The following LHX4 variants were observed in gnomAD, a reference collection of about 807,000 sequenced individuals.
The protein encoded by LHX4 is LIM/homeobox protein Lhx4.
A neutral mutation model predicts 39.2 loss-of-function variants in LHX4; 16 were observed. The observed-to-expected ratio is 0.41, with a 90% CI of 0.28 to 0.62. The LOEUF is 0.62. Among genes scored for constraint, LHX4 ranks in the 20% least tolerant of loss-of-function variants. LHX4 has a pLI of 0.33. For missense variants in LHX4, 439 were observed against 511.9 expected (o/e 0.86, Z 1.37); for synonymous variants, 206 against 198.1 (o/e 1.04, Z -0.33).
At chr1:180,247,430 T>C (rs61080341) in intron 1 of LHX4, among the ~76,000 whole-genome samples, 28,368 of 152,164 alleles carry the variant, frequency 0.19, 2,792 homozygotes, top group African/African-American at 0.21. Flanking sequence ...ATTTCACTGC[T>C]TCTGCTGTGA....
In LHX4 at chr1:180,230,665, G is replaced by A. The variant is rs1664155607; in HGVS notation, c.76+60G>A. On this transcript the variant is annotated intron_variant, in intron 1 of 5. Coordinates refer to ENST00000263726, the MANE Select transcript of LHX4 (RefSeq NM_033343.4). This position sits in a 1 kb window ranked among gnomAD's most constrained non-coding sequence, Gnocchi z 5.8. ...AACAAGACAGCTAGCAGCCTCAGCC[G>A]CTGCGGGGCGGGCCGGACGCCGCTC... The A allele has an allele frequency of 3.3e-6, 5 of 1,515,728 alleles. No individual in the cohort carries two copies. In the East Asian group the frequency reaches 6.8e-5, roughly 21 times the overall value. 93.9% of individuals were successfully genotyped at this position (1,515,728 alleles called of 1,614,324 possible). A position where few individuals can be genotyped will look rare whatever the true frequency, so the allele number is the denominator to read the frequency against.
At chr1:180,252,829 T>C (rs1235435949) in intron 2 of LHX4, among the ~76,000 whole-genome samples, 1 of 152,094 alleles carries the variant, frequency 6.6e-6, no homozygotes, top group African/African-American at 2.4e-5. Context: ...GCGATGTTGG[T>C]GTGGACACAG....
chr1:180,259,885 G>C (rs1571276678), intron 2 of LHX4, among the ~76,000 whole-genome samples: 1 of 151,700 alleles, frequency 6.6e-6, no homozygotes, highest in African/African-American at 2.4e-5. Context: ...AATGGTGGGA[G>C]GGTTGGAAGT....
chr1:180,269,783 G>C (rs1281585405), intron 3 of LHX4: 1 of 152,168 alleles, frequency 6.6e-6, no homozygotes, highest in Non-Finnish European at 1.5e-5. Context: ...AGAAGGGACA[G>C]ACTCCTCAGA....
In LHX4 at chr1:180,278,179, T is replaced by TGGAA. The variant is rs1649153043; in HGVS notation, c.*3603_*3606dup. 1 of 152,218 alleles carries TGGAA rather than the reference T, an allele frequency of 6.6e-6. No homozygotes were observed. The highest frequency in any genetic ancestry group is 2.4e-5 in the African/African-American group (1 of 41,454). 9.4% of individuals were successfully genotyped at this position (152,218 alleles called of 1,614,324 possible). On this transcript the variant is annotated 3_prime_UTR_variant, in exon 6 of 6. Transcript: ENST00000263726. ...CCATACCTCCCCAGCCAGCAGGGTC[T>TGGAA]GGAAGGCCTGAGGAGGCTCATTTTT...
At chr1:180,269,537 C>A (rs919962789) in intron 3 of LHX4, 1 of 152,222 alleles carries the variant, frequency 6.6e-6, no homozygotes, top group Non-Finnish European at 1.5e-5. Context: ...AGCGGGCCAC[C>A]AACCAGGATG....
Position 180,271,817 on chromosome 1 carries a change from C to G in LHX4, c.607-18C>G. On this transcript the variant is annotated intron_variant, in intron 4 of 5. Transcript: ENST00000263726. ...TGGTGGACGCCCCCTGAGTATGTCC[C>G]TTGTGCTTGTGTGGCAGGTTTGGTT... 2 of 1,613,744 alleles carry G rather than the reference C, an allele frequency of 1.2e-6. No individual in the cohort carries two copies. Among genetic ancestry groups the G allele is most frequent in the Middle Eastern group, 3.3e-4 (2 of 6,056 alleles).
rs748063445 is a variant in LHX4, at chr1:180,266,606, G to A, written c.451+12G>A. On this transcript the variant is annotated intron_variant, in intron 3 of 5. Coordinates refer to ENST00000263726, the MANE Select transcript of LHX4 (RefSeq NM_033343.4). The surrounding 1 kb of genome is among the most constrained non-coding windows in gnomAD (Gnocchi z 5.7). ...AGCCAAGCAGAACGGTAAGCAGCAT[G>A]GCCCCGCATGGTCCCCTCTCCAGGC... 1.2e-6 allele frequency: 2 copies of A among 1,612,924 alleles called. No homozygotes were observed. The highest frequency in any genetic ancestry group is 1.7e-6 in the Non-Finnish European group (2 of 1,179,238).
At chr1:180,229,282 G>T (rs1218547936), upstream of LHX4, among the ~76,000 whole-genome samples, 1 of 152,228 alleles carries the variant, frequency 6.6e-6, no homozygotes, top group Admixed American at 6.5e-5. Context: ...CGGGCTCTAG[G>T]GACCTAAGAC....
Position 180,234,057 on chromosome 1 carries a change from T to G in LHX4, c.76+3452T>G, listed in dbSNP as rs975547755. Among the ~76,000 whole-genome samples, 3 of 149,444 alleles carry G rather than the reference T, an allele frequency of 2.0e-5. No individual in the cohort carries two copies. Among genetic ancestry groups the G allele is most frequent in the African/African-American group, 7.4e-5 (3 of 40,538 alleles). Reference sequence around the variant, plus strand: ...CAGGACATTTCTTAAGGGGGTGAGATGGATTCACTGTCCAAGACAGGAGTT... The same window carrying G: ...CAGGACATTTCTTAAGGGGGTGAGAGGGATTCACTGTCCAAGACAGGAGTT... On this transcript the variant is annotated intron_variant, in intron 1 of 5. Transcript: ENST00000263726. The surrounding 1 kb of genome is among the most constrained non-coding windows in gnomAD (Gnocchi z 4.8).
chr1:180,237,106 C>G lies in LHX4; in HGVS notation c.76+6501C>G, dbSNP rs565338927. Among the ~76,000 whole-genome samples the G allele has an allele frequency of 2.6e-5, 4 of 152,288 alleles. No homozygotes were observed. In the South Asian group the frequency reaches 8.3e-4, roughly 32 times the overall value. On this transcript the variant is annotated intron_variant, in intron 1 of 5. Transcript: ENST00000263726. Reference sequence around the variant, plus strand: ...TCTTTCTTCCTCCCTCCTTCTCCTTCCCCTGTTCCCCCAATTTCTTCTGTC... The same window carrying G: ...TCTTTCTTCCTCCCTCCTTCTCCTTGCCCTGTTCCCCCAATTTCTTCTGTC...
intron 5 of LHX4, chr1:180,272,918 A>G (rs1648770711): frequency 6.6e-6 from 1 of 152,240 alleles, no homozygotes; most frequent in Non-Finnish European, 1.5e-5. Context: ...GATCGTTCCC[A>G]CAGGGAGCGT....
rs1270298738 is a variant in LHX4 at position 180,234,889 on chromosome 1, C to T, written c.76+4284C>T. 6.6e-6 allele frequency among the ~76,000 whole-genome samples: 1 copy of T among 152,244 alleles called. No homozygotes were observed. Among genetic ancestry groups the T allele is most frequent in the Non-Finnish European group, 1.5e-5 (1 of 68,046 alleles). ...CCACATGACCTCGCTACGACCGGGGCAGGGCTCCTCCGCCCCGCGGGCAGA... is the reference window on the plus strand; with the variant it reads ...CCACATGACCTCGCTACGACCGGGGTAGGGCTCCTCCGCCCCGCGGGCAGA... On this transcript the variant is annotated intron_variant, in intron 1 of 5. Coordinates refer to ENST00000263726, the MANE Select transcript of LHX4 (RefSeq NM_033343.4). This position sits in a 1 kb window ranked among gnomAD's most constrained non-coding sequence, Gnocchi z 4.8.
intron 2 of LHX4, among the ~76,000 whole-genome samples, chr1:180,249,908 TGACA>T (rs1647545968): frequency 6.8e-6 from 1 of 147,058 alleles, no homozygotes; most frequent in African/African-American, 2.7e-5. Flanking sequence ...AGTGTGTGTG[TGACA>T]GTGTGTGTGA....
intron 1 of LHX4, among the ~76,000 whole-genome samples, chr1:180,247,915 CAG>C (rs1402015866): frequency 6.6e-6 from 1 of 152,152 alleles, no homozygotes; most frequent in East Asian, 1.9e-4. Flanking sequence ...GTCGTGGAAA[CAG>C]AGGTGGATGT....
intron 1 of LHX4, among the ~76,000 whole-genome samples, chr1:180,244,623 T>C (rs1354703667): frequency 1.3e-5 from 2 of 152,206 alleles, no homozygotes; most frequent in Non-Finnish European, 2.9e-5. Context: ...CCTCATCCCA[T>C]GTATTTGTGG....
chr1:180,267,274 A>G (rs946744985), intron 3 of LHX4, among the ~76,000 whole-genome samples: 5 of 152,216 alleles, frequency 3.3e-5, no homozygotes, highest in Admixed American at 1.3e-4. Flanking sequence ...CAACCACTGC[A>G]GGGCCACTGC....
At chr1:180,245,666 A>T (rs1647352748) in intron 1 of LHX4, among the ~76,000 whole-genome samples, 1 of 152,232 alleles carries the variant, frequency 6.6e-6, no homozygotes, top group Non-Finnish European at 1.5e-5. Flanking sequence ...CACCTACTGT[A>T]TACCAGGGCC....
At chr1:180,256,244 C>T (rs139543591) in intron 2 of LHX4, among the ~76,000 whole-genome samples, 39 of 152,350 alleles carry the variant, frequency 2.6e-4, no homozygotes, top group Middle Eastern at 3.4e-3. Flanking sequence ...CATCTGGTCA[C>T]GTTGTCCCCA....
Sources: allele counts gnomAD v4.1 joint callset (sites outside exome capture counted in the v4.1 genomes callset), GRCh38; gene constraint gnomAD v4.1.1; non-coding constraint Gnocchi (gnomAD v3.1); transcripts MANE v1.5; gene names NCBI Gene and HGNC (gene_info 2026-07-23, HGNC 2026-07-21).